The following RBFOX1 variants were observed in gnomAD, a reference collection of about 807,000 sequenced individuals.
RBFOX1 encodes RNA binding fox-1 homolog 1.
Under a neutral mutation model 57.7 loss-of-function variants are expected in RBFOX1, and 8 were observed. That is an observed-to-expected ratio of 0.14 (90% CI 0.08 to 0.25). The LOEUF (loss-of-function observed/expected upper bound fraction) is 0.25. Ranked by LOEUF, RBFOX1 falls within the 10% of genes least tolerant of loss-of-function variation. The pLI is 1.00. For missense variants in RBFOX1, 611 were observed against 548.5 expected, an observed-to-expected ratio of 1.11 and a Z score of -1.14; for synonymous variants, 326 against 222.4, an observed-to-expected ratio of 1.47 and a Z score of -4.15.
intron 4 of RBFOX1, among the ~76,000 whole-genome samples, chr16:7,271,176 T>A (rs1452531739): frequency 6.6e-6 from 1 of 152,194 alleles, no homozygotes; most frequent in Admixed American, 6.5e-5. Flanking sequence ...AGTGTCCTTT[T>A]CCCCTAAATG....
intron 3 of RBFOX1, among the ~76,000 whole-genome samples, chr16:6,859,167 A>ACG (rs2058528065): frequency 1.1e-4 from 8 of 73,722 alleles, no homozygotes; most frequent in Non-Finnish European, 2.1e-4. Flanking sequence ...ATATATACGT[A>ACG]TATATATGTA....
chr16:5,424,994 T>TTTC (rs58404221), intron 1 of RBFOX1, among the ~76,000 whole-genome samples: 30,800 of 89,076 alleles, frequency 0.35, 7,169 homozygotes, highest in East Asian at 0.53. Context: ...TTTTCTTTTC[T>TTTC]TTTCTTTTCT....
chr16:6,752,997 C>G (rs972823903), intron 3 of RBFOX1, among the ~76,000 whole-genome samples: 9 of 152,076 alleles, frequency 5.9e-5, no homozygotes, highest in Non-Finnish European at 2.9e-5. Context: ...GTGCAAATTT[C>G]AAATACACAA....
chr16:5,937,393 G>C (rs1265846911), intron 4 of RBFOX1, among the ~76,000 whole-genome samples: 1 of 152,128 alleles, frequency 6.6e-6, no homozygotes, highest in African/African-American at 2.4e-5. Flanking sequence ...ACATTCTAGA[G>C]TAGAGGCGTG....
chr16:7,449,283 T>A (rs1331660492), intron 4 of RBFOX1, among the ~76,000 whole-genome samples: 1 of 152,170 alleles, frequency 6.6e-6, no homozygotes, highest in Non-Finnish European at 1.5e-5. Flanking sequence ...ATTTTTAAAA[T>A]AATGTCTCAT....
At chr16:7,550,153 A>G (rs970127026) in intron 5 of RBFOX1, among the ~76,000 whole-genome samples, 4 of 151,766 alleles carry the variant, frequency 2.6e-5, no homozygotes, top group African/African-American at 9.7e-5. Context: ...CTGGTCTCAA[A>G]CTTCTGGCCT....
chr16:7,061,376 T>C (rs1322593009), intron 4 of RBFOX1, among the ~76,000 whole-genome samples: 1 of 152,234 alleles, frequency 6.6e-6, no homozygotes, highest in Non-Finnish European at 1.5e-5. Flanking sequence ...ACTTCTTGAT[T>C]GATTCTGATC....
chr16:6,523,837 A>T (rs2096541818), intron 2 of RBFOX1, among the ~76,000 whole-genome samples: 1 of 152,178 alleles, frequency 6.6e-6, no homozygotes. Context: ...TTTGAAAAAA[A>T]TGTGCCTTGC....
At chr16:6,737,293 C>A (rs957745507) in intron 3 of RBFOX1, among the ~76,000 whole-genome samples, 1 of 152,014 alleles carries the variant, frequency 6.6e-6, no homozygotes, top group African/African-American at 2.4e-5. Flanking sequence ...TGTGATTATC[C>A]CTACCCTTAT....
At chr16:6,034,500 C>T (rs1009550172) in intron 1 of RBFOX1, among the ~76,000 whole-genome samples, 1 of 151,990 alleles carries the variant, frequency 6.6e-6, no homozygotes, top group Non-Finnish European at 1.5e-5. Flanking sequence ...TTCCTGGCTG[C>T]ATCTTCATAT....
At chr16:6,844,540 T>A (rs2093658774) in intron 3 of RBFOX1, among the ~76,000 whole-genome samples, 2 of 152,200 alleles carry the variant, frequency 1.3e-5, no homozygotes, top group Non-Finnish European at 2.9e-5. Flanking sequence ...TGCATAGTAT[T>A]CCATGGTGTA....
intron 4 of RBFOX1, among the ~76,000 whole-genome samples, chr16:7,188,951 T>A (rs962981985): frequency 6.6e-6 from 1 of 152,110 alleles, no homozygotes; most frequent in African/African-American, 2.4e-5. Flanking sequence ...AATTGCAGCC[T>A]GGGTAGCTTG....
chr16:6,594,266 C>T (rs900647146), intron 2 of RBFOX1, among the ~76,000 whole-genome samples: 4 of 152,134 alleles, frequency 2.6e-5, no homozygotes, highest in African/African-American at 9.7e-5. Context: ...ACACGAAGTT[C>T]AGATTTAACA....
intron 1 of RBFOX1, among the ~76,000 whole-genome samples, chr16:6,100,908 C>T (rs2096298665): frequency 6.6e-6 from 1 of 152,110 alleles, no homozygotes; most frequent in Non-Finnish European, 1.5e-5. Flanking sequence ...TGAAGAGTTT[C>T]AGAGGGATGA....
chr16:7,497,264 T>C lies in RBFOX1; in HGVS notation c.28-20883T>C, dbSNP rs912521214. ...TGCTAAATCTTCACCACACCTATAC[T>C]CCAGCCATATTATCCTGTTTTCTGT... On this transcript the variant is annotated intron_variant, in intron 4 of 15. Coordinates refer to ENST00000550418, the MANE Select transcript of RBFOX1 (RefSeq NM_018723.4). Among the ~76,000 whole-genome samples the C allele has an allele frequency of 3.3e-5, 5 of 152,146 alleles. No homozygotes were observed. In the South Asian group the frequency reaches 8.3e-4, roughly 25 times the overall value.
intron 1 of RBFOX1, among the ~76,000 whole-genome samples, chr16:6,137,689 C>T (rs1049876619): frequency 7.1e-6 from 1 of 141,304 alleles, no homozygotes; most frequent in Non-Finnish European, 1.5e-5. Flanking sequence ...TCATGGCTTA[C>T]TACAGCCTCA....
intron 2 of RBFOX1, among the ~76,000 whole-genome samples, chr16:6,407,163 C>G (rs1020536864): frequency 1.3e-5 from 2 of 152,128 alleles, no homozygotes; most frequent in East Asian, 1.9e-4. Context: ...TTATTTGTAT[C>G]TGTATCTATC....
intron 2 of RBFOX1, among the ~76,000 whole-genome samples, chr16:5,553,401 C>T (rs71390671): frequency 0.33 from 50,461 of 151,296 alleles, 8,772 homozygotes; most frequent in Admixed American, 0.37. Context: ...CTGCACACTC[C>T]GCCTCCCAGG....
intron 3 of RBFOX1, among the ~76,000 whole-genome samples, chr16:6,897,310 G>C (rs1439907881): frequency 1.3e-5 from 2 of 152,180 alleles, no homozygotes; most frequent in Admixed American, 1.3e-4. Context: ...GGCTGAGGAG[G>C]GAGAATCGCT....
Sources: gnomAD v4.1 joint callset for allele counts (sites outside exome capture counted in the v4.1 genomes callset) on GRCh38, gnomAD v4.1.1 for gene constraint, MANE v1.5 for transcripts, NCBI Gene and HGNC (gene_info 2026-07-23, HGNC 2026-07-21) for gene names.